ABCC9: variants seen among roughly 807,000 people sequenced by gnomAD.
ABCC9 encodes the protein ATP-binding cassette sub-family C member 9.
ABCC9 carries 95 observed loss-of-function variants against 188.3 expected under a neutral mutation model. The ratio of observed to expected loss-of-function variants is 0.50; its 90% CI spans 0.43 to 0.60. The LOEUF (loss-of-function observed/expected upper bound fraction) is 0.60, where lower values mean the gene tolerates loss of function less well. ABCC9 is among the 20% of genes least tolerant of loss of function. The probability of loss-of-function intolerance (pLI) is 0.00; values close to 1 mark genes in which losing one functional copy is unlikely to be tolerated. For synonymous variants in ABCC9, 659 were observed against 652.7 expected, an observed-to-expected ratio of 1.01 and a Z score of -0.15; for missense variants, 1,102 against 1,876.3, an observed-to-expected ratio of 0.59 and a Z score of 7.62.
intron 31 of ABCC9, among the ~76,000 whole-genome samples, chr12:21,826,462 A>G (rs1034442714): frequency 6.6e-6 from 1 of 152,230 alleles, no homozygotes; most frequent in African/African-American, 2.4e-5. Context: ...GAGGTCATTT[A>G]TATGTGCACA....
chr12:21,922,920 T>C (rs1764903303), intron 5 of ABCC9: 1 of 151,540 alleles, frequency 6.6e-6, no homozygotes, highest in Non-Finnish European at 1.5e-5. Flanking sequence ...GTTAGTCGCA[T>C]AAAAATCTAT....
chr12:21,874,901 G>T (rs577906380), intron 17 of ABCC9, among the ~76,000 whole-genome samples: 1 of 152,190 alleles, frequency 6.6e-6, no homozygotes, highest in African/African-American at 2.4e-5. Flanking sequence ...GGAGATGGGG[G>T]AAAGGGAAAA....
At chr12:21,921,887 A>G (rs58698358) in intron 5 of ABCC9, among the ~76,000 whole-genome samples, 2,990 of 151,946 alleles carry the variant, frequency 0.02, 88 homozygotes, top group African/African-American at 0.066. Flanking sequence ...CTATAGATGT[A>G]TGGATTTATC....
chr12:21,852,943 AATCT>A (rs778491224), intron 22 of ABCC9, among the ~76,000 whole-genome samples: 2 of 152,226 alleles, frequency 1.3e-5, no homozygotes, highest in Non-Finnish European at 2.9e-5. Flanking sequence ...ATTACTCAGC[AATCT>A]ATAATAATAG....
intron 14 of ABCC9, 92 bp from the exon 15 acceptor site, chr12:21,888,026 A>G (rs1946964748): frequency 1.1e-6 from 1 of 936,642 alleles, no homozygotes; most frequent in African/African-American, 1.6e-5. Context: ...ACACAGTATT[A>G]TGGTGAGTAG....
Position 21,894,167 on chromosome 12 carries a change from ACAAATGT to A in ABCC9, c.1660_1666del (p.Thr554Ter). 6.2e-7 allele frequency: 1 copy of A among 1,614,084 alleles called. No homozygotes were observed. ...GTTTCCACTGGCATACGCATGGGTC[ACAAATGT>A]CTGTGCAAAGAAAGGAGTTCTTTAG... On this transcript the variant is annotated frameshift_variant and splice_region_variant, in exon 14 of 40. Transcript: ENST00000261200. LOFTEE classifies it high-confidence loss of function.
intron 34 of ABCC9, among the ~76,000 whole-genome samples, chr12:21,815,437 T>TG (rs1203499746): frequency 2.6e-5 from 4 of 152,126 alleles, no homozygotes; most frequent in Non-Finnish European, 5.9e-5. Flanking sequence ...AGAAGTCATT[T>TG]GGGGACTAGA....
chr12:21,853,212 G>A (rs1407511022), intron 22 of ABCC9, among the ~76,000 whole-genome samples: 1 of 152,112 alleles, frequency 6.6e-6, no homozygotes, highest in Non-Finnish European at 1.5e-5. Context: ...TACTTGGGAG[G>A]TTGAGACCGG....
Position 21,844,929 on chromosome 12 carries a change from A to G in ABCC9, c.3097-14T>C. The G allele has an allele frequency of 1.9e-6, 3 of 1,613,542 alleles. No homozygotes were observed. The highest frequency in any genetic ancestry group is 2.5e-6 in the Non-Finnish European group (3 of 1,179,600). On this transcript the variant is annotated splice_polypyrimidine_tract_variant and intron_variant, in intron 26 of 39. Transcript: ENST00000261200. The stretch of plus-strand genomic sequence containing the variant: ...CACATAGTAGGTCTAAAAAGCAACC[A>G]ACACAAAAAGCACATAGGAAATTAT...
Position 21,906,197 on chromosome 12 carries a change from T to G in ABCC9, c.1547A>C (p.Lys516Thr), listed in dbSNP as rs1427379884. ...TTTCATTCTTGTTTCCTCCACACTT[T>G]TGCAGAAAATGTGTTCCCAGGCATA... is the stretch of plus-strand genomic sequence containing the variant. ...KLYAWEHIFC[K>T]SVEETRMKEL... The change falls in exon 12 of 40, where the codon AAA becomes ACA. Residue 516 changes from lysine to threonine, a missense_variant. Transcript: ENST00000261200. 1.9e-6 allele frequency: 3 copies of G among 1,613,274 alleles called. No homozygotes were observed. The highest frequency in any genetic ancestry group is 1.7e-6 in the Non-Finnish European group (2 of 1,179,446).
In ABCC9 at chr12:21,802,860, G is replaced by T. The variant is rs111807386; in HGVS notation, c.4513-1679C>A. Among the ~76,000 whole-genome samples the T allele has an allele frequency of 9.9e-4, 150 of 152,218 alleles. 1 individual carries two copies. Among genetic ancestry groups the T allele is most frequent in the African/African-American group, 3.5e-3 (147 of 41,552 alleles). ...TTCTGCCCTGGGCCATGTAGATAGG[G>T]TGGGCTCAGTGTTTATGCTTTCAGA... On this transcript the variant is annotated intron_variant, in intron 39 of 39. Coordinates refer to ENST00000261200, the MANE Select transcript of ABCC9 (RefSeq NM_020297.4).
chr12:21,928,456 GGAA>G (rs1949139153), intron 4 of ABCC9, among the ~76,000 whole-genome samples: 1 of 148,834 alleles, frequency 6.7e-6, no homozygotes, highest in Non-Finnish European at 1.5e-5. Context: ...AAGGGAGGGA[GGAA>G]GAAAGGAAGG....
At chr12:21,894,568 C>T (rs1473100781) in intron 13 of ABCC9, among the ~76,000 whole-genome samples, 5 of 72,328 alleles carry the variant, frequency 6.9e-5, no homozygotes, top group African/African-American at 2.8e-4. Flanking sequence ...CACTGTGGAT[C>T]TTTACTAAAA....
chr12:21,889,012 T>A (rs892905011), intron 14 of ABCC9, among the ~76,000 whole-genome samples: 5 of 152,188 alleles, frequency 3.3e-5, no homozygotes, highest in African/African-American at 9.6e-5. Flanking sequence ...GTTTCTTTTT[T>A]AAAAATTTTA....
intron 9 of ABCC9, 112 bp from the exon 10 acceptor site, chr12:21,910,424 A>C: frequency 9.2e-7 from 1 of 1,089,470 alleles, no homozygotes; most frequent in Non-Finnish European, 1.3e-6. Flanking sequence ...AAAAAAGAAA[A>C]GAAAAATTCT....
rs1565475592 is a variant in ABCC9 at position 21,910,968 on chromosome 12, G to A, written c.1022C>T (p.Thr341Ile). 1 of 1,611,956 alleles carries A rather than the reference G, an allele frequency of 6.2e-7. No individual in the cohort carries two copies. Among genetic ancestry groups the A allele is most frequent in the Non-Finnish European group, 8.5e-7 (1 of 1,178,466 alleles). Residue 341 changes from threonine to isoleucine, a missense_variant, in exon 9 of 40, where the codon ACC (threonine) becomes ATC (isoleucine). This residue lies in a region of ABCC9 where 305 missense variants were observed against 573.0 expected (regional missense o/e 0.53). Transcript: ENST00000261200. ...TTCAAGAAATTCCTTTGATGAGAGG[G>A]TTTCTGAAATCTGGTCCCCAAAGAA... The part of the protein sequence containing the change: ...GTNNTTGISE[T>I]LSSKEFLENA...
rs191086801 is a variant in ABCC9, at chr12:21,819,535, A to G, written c.3670-1284T>C. On this transcript the variant is annotated intron_variant, in intron 31 of 39. Transcript: ENST00000261200. The stretch of plus-strand genomic sequence containing the variant: ...GGTTCAGACACTGACCTTGCCCGTT[A>G]CTAGTTAATGAGCTCAGACAAGCAA... 1.1e-4 allele frequency among the ~76,000 whole-genome samples: 17 copies of G among 152,308 alleles called. No homozygotes were observed. In the East Asian group the frequency reaches 3.1e-3, roughly 28 times the overall value.
intron 5 of ABCC9, 149 bp from the exon 6 acceptor site, chr12:21,917,252 TG>T: frequency 1.2e-6 from 1 of 845,668 alleles, no homozygotes; most frequent in Non-Finnish European, 1.9e-6. Context: ...ACAACATATA[TG>T]ATTTAGTGTA....
At chr12:21,829,186 G>GTTT in intron 30 of ABCC9, 126 bp from the exon 31 acceptor site, 3 of 195,504 alleles carry the variant, frequency 1.5e-5, no homozygotes, top group South Asian at 5.3e-5. Flanking sequence ...TCAGTAAATA[G>GTTT]ATTTCTTTTT....
Sources: gnomAD v4.1 joint callset for allele counts (sites outside exome capture counted in the v4.1 genomes callset) on GRCh38, gnomAD v4.1.1 for gene constraint, gnomAD v4.1.1 regional missense constraint, MANE v1.5 for transcripts, NCBI Gene and HGNC (gene_info 2026-07-23, HGNC 2026-07-21) for gene names.